TMEM170B: variants seen among roughly 807,000 people sequenced by gnomAD.
TMEM170B encodes transmembrane protein 170B.
In TMEM170B, 6 loss-of-function variants were observed where a neutral mutation model predicts 13.0. The ratio of observed to expected loss-of-function variants is 0.46; its 90% confidence interval spans 0.25 to 0.91. The LOEUF (loss-of-function observed/expected upper bound fraction) is 0.91, where lower values mean the gene tolerates loss of function less well. Ranked by LOEUF, TMEM170B falls within the 40% of genes least tolerant of loss-of-function variation. The pLI, the probability that TMEM170B is intolerant of heterozygous loss-of-function variation, is 0.17. For missense variants in TMEM170B, 138 were observed against 165.2 expected, an observed-to-expected ratio of 0.84 and a Z score of 0.90; for synonymous variants, 61 against 64.9, an observed-to-expected ratio of 0.94 and a Z score of 0.29.
chr6:11,550,035 G>A (rs966159879), intron 1 of TMEM170B, among the ~76,000 whole-genome samples: 2 of 151,966 alleles, frequency 1.3e-5, no homozygotes, highest in African/African-American at 2.4e-5. Context: ...ACGGGGTCTC[G>A]CTGTGTTGCC....
In TMEM170B at chr6:11,554,679, C is replaced by G. The variant is rs961596935; in HGVS notation, c.98-10987C>G. On this transcript the variant is annotated intron_variant, in intron 1 of 2. Coordinates refer to ENST00000379426, the MANE Select transcript of TMEM170B (RefSeq NM_001100829.3). ...TTACAGTTTGAAATTATATAATTAG[C>G]AAGCAAAAGGGTAATTTGGTTTAAG... 3.9e-5 allele frequency among the ~76,000 whole-genome samples: 6 copies of G among 152,148 alleles called. No individual in the cohort carries two copies. In the South Asian group the frequency reaches 1.0e-3, roughly 26 times the overall value.
chr6:11,560,160 T>A (rs1759643430), intron 1 of TMEM170B, among the ~76,000 whole-genome samples: 1 of 150,752 alleles, frequency 6.6e-6, no homozygotes, highest in South Asian at 2.1e-4. Flanking sequence ...ATTTTTATTT[T>A]TTTATTTTTT....
At chr6:11,566,797 T>C (rs1759739079) in intron 2 of TMEM170B, among the ~76,000 whole-genome samples, 1 of 152,218 alleles carries the variant, frequency 6.6e-6, no homozygotes, top group Admixed American at 6.5e-5. Flanking sequence ...ATGCGCGGTG[T>C]CCTCTTTACA....
intron 1 of TMEM170B, among the ~76,000 whole-genome samples, chr6:11,560,050 A>G (rs375100467): frequency 2.0e-5 from 3 of 152,090 alleles, no homozygotes; most frequent in African/African-American, 7.2e-5. Context: ...ACTTTATCCT[A>G]GAGTAGTGAT....
At chr6:11,540,184 T>G (rs1561905331) in intron 1 of TMEM170B, among the ~76,000 whole-genome samples, 1 of 152,204 alleles carries the variant, frequency 6.6e-6, no homozygotes, top group Non-Finnish European at 1.5e-5. Context: ...GATGGCAGTT[T>G]TCTTAAAACA....
chr6:11,579,823 T>C lies in TMEM170B; in HGVS notation c.*4262T>C, dbSNP rs543662336. On this transcript the variant is annotated 3_prime_UTR_variant, in exon 3 of 3. Coordinates refer to ENST00000379426, the MANE Select transcript of TMEM170B (RefSeq NM_001100829.3). ...TTGACTTTCTGCTATTTGCTAATTA[T>C]TCTTCTTGAAAAGTAAGAGCGATAT... 6.6e-6 allele frequency: 1 copy of C among 152,384 alleles called. No individual in the cohort carries two copies. The highest frequency in any genetic ancestry group is 6.5e-5 in the Admixed American group (1 of 15,304). 9.4% of individuals were successfully genotyped at this position (152,384 alleles called of 1,614,324 possible). A position where few individuals can be genotyped will look rare whatever the true frequency, so the allele number is the denominator to read the frequency against.
Position 11,581,523 on chromosome 6 carries a change from A to G in TMEM170B, c.*5962A>G, listed in dbSNP as rs1759956448. The G allele has an allele frequency of 6.6e-6, 1 of 152,238 alleles. No individual in the cohort carries two copies. The highest frequency in any genetic ancestry group is 2.4e-5 in the African/African-American group (1 of 41,470). The allele number at this position is 152,238 out of a possible 1,614,324, so 9.4% of individuals were successfully genotyped here. Reference sequence around the variant, plus strand: ...ATGACTCCACCCTTTTTGGGAATGTATTTAGGTGGATAACTGAAACGGAAA... The same window carrying G: ...ATGACTCCACCCTTTTTGGGAATGTGTTTAGGTGGATAACTGAAACGGAAA... On this transcript the variant is annotated 3_prime_UTR_variant, in exon 3 of 3. Transcript: ENST00000379426.
chr6:11,570,273 A>T (rs991685313), intron 2 of TMEM170B, among the ~76,000 whole-genome samples: 2 of 152,262 alleles, frequency 1.3e-5, no homozygotes, highest in East Asian at 3.9e-4. Context: ...TTGTGCATGG[A>T]TATCTTTTGA....
At chr6:11,539,497 G>A (rs1759330524) in intron 1 of TMEM170B, among the ~76,000 whole-genome samples, 1 of 152,072 alleles carries the variant, frequency 6.6e-6, no homozygotes, top group Non-Finnish European at 1.5e-5. Flanking sequence ...ATTCATAGAA[G>A]AAAATTTTAT....
intron 1 of TMEM170B, among the ~76,000 whole-genome samples, chr6:11,548,636 T>C (rs1759472831): frequency 6.6e-6 from 1 of 152,200 alleles, no homozygotes; most frequent in African/African-American, 2.4e-5. Context: ...ATGTTTATTG[T>C]GGCACTATTC....
At chr6:11,563,426 G>A (rs1759696251) in intron 1 of TMEM170B, among the ~76,000 whole-genome samples, 1 of 152,088 alleles carries the variant, frequency 6.6e-6, no homozygotes, top group Non-Finnish European at 1.5e-5. Context: ...CCAACTGGGT[G>A]TCCTACAGTT....
At chr6:11,562,413 G>A (rs573069226) in intron 1 of TMEM170B, among the ~76,000 whole-genome samples, 1 of 149,818 alleles carries the variant, frequency 6.7e-6, no homozygotes, top group South Asian at 2.2e-4. Context: ...TATCTTGTAT[G>A]CCATTGAGAA....
At chr6:11,542,965 A>T (rs189432327) in intron 1 of TMEM170B, among the ~76,000 whole-genome samples, 18 of 152,330 alleles carry the variant, frequency 1.2e-4, no homozygotes, top group Non-Finnish European at 2.1e-4. Flanking sequence ...TATAGCTAGT[A>T]TATGACTGAG....
chr6:11,554,541 T>A lies in TMEM170B; in HGVS notation c.98-11125T>A, dbSNP rs147576556. ...CTTAAATATAGAGCAATTTTTGAAC[T>A]ATTTTAAATAGCCTTAACCTGATTT... On this transcript the variant is annotated intron_variant, in intron 1 of 2. Transcript: ENST00000379426. Among the ~76,000 whole-genome samples, 863 of 152,198 alleles carry A rather than the reference T, an allele frequency of 5.7e-3. 4 individuals carry two copies. Among genetic ancestry groups the A allele is most frequent in the Non-Finnish European group, 6.9e-3 (466 of 67,926 alleles).
chr6:11,547,683 AT>A (rs899917581), intron 1 of TMEM170B, among the ~76,000 whole-genome samples: 9 of 151,032 alleles, frequency 6.0e-5, no homozygotes, highest in Non-Finnish European at 3.0e-5. Context: ...GTCATTAGGG[AT>A]TTTTTTTTGT....
At chr6:11,555,446 G>A (rs1249516926) in intron 1 of TMEM170B, among the ~76,000 whole-genome samples, 1 of 152,084 alleles carries the variant, frequency 6.6e-6, no homozygotes, top group Admixed American at 6.5e-5. Context: ...TTCTGTGAGA[G>A]TCTTGGATTT....
intron 2 of TMEM170B, among the ~76,000 whole-genome samples, chr6:11,569,715 G>A (rs187000135): frequency 6.6e-6 from 1 of 152,146 alleles, no homozygotes; most frequent in Admixed American, 6.5e-5. Flanking sequence ...GATTCTATGT[G>A]TTTTTTTCCC....
At position 11,581,090 on chromosome 6, in the gene TMEM170B, T is replaced by C. The variant is rs1256502879; in HGVS notation, c.*5529T>C. On this transcript the variant is annotated 3_prime_UTR_variant, in exon 3 of 3. Transcript: ENST00000379426. ...GTAAATGTGGAGATATATCAGATAA[T>C]ACTTTTAAATTAGTGGAAACACATT... 1 of 152,226 alleles carries C rather than the reference T, an allele frequency of 6.6e-6. No individual in the cohort carries two copies. The highest frequency in any genetic ancestry group is 1.9e-4 in the East Asian group (1 of 5,204). The allele number at this position is 152,226 out of a possible 1,614,324, so 9.4% of individuals were successfully genotyped here.
At chr6:11,547,290 G>A (rs1212993098) in intron 1 of TMEM170B, among the ~76,000 whole-genome samples, 3 of 152,134 alleles carry the variant, frequency 2.0e-5, no homozygotes, top group African/African-American at 7.2e-5. Flanking sequence ...GGTATAGTCA[G>A]CACCTTCCTT....
Sources: allele counts gnomAD v4.1 joint callset (sites outside exome capture counted in the v4.1 genomes callset), GRCh38; gene constraint gnomAD v4.1.1; transcripts MANE v1.5; gene names NCBI Gene and HGNC (gene_info 2026-07-23, HGNC 2026-07-21).